The following NECAB1 variants were observed in gnomAD, a reference collection of about 807,000 sequenced individuals.
NECAB1 encodes the protein N-terminal EF-hand calcium binding protein 1, also known as N-terminal EF-hand calcium-binding protein 1.
NECAB1 carries 29 observed loss-of-function variants against 57.5 expected under a neutral mutation model. The ratio of observed to expected loss-of-function variants is 0.50; its 90% CI spans 0.38 to 0.69. The LOEUF (loss-of-function observed/expected upper bound fraction) is 0.69. NECAB1 is among the 30% of genes least tolerant of loss of function. The pLI is 0.00. For synonymous variants in NECAB1, 142 were observed against 147.7 expected, an observed-to-expected ratio of 0.96 and a Z score of 0.28; for missense variants, 372 against 413.8, an observed-to-expected ratio of 0.90 and a Z score of 0.88.
rs147636935 is a variant in NECAB1 at position 90,912,202 on chromosome 8, G to A, written c.358-5290G>A. Among the ~76,000 whole-genome samples the A allele has an allele frequency of 2.3e-3, 355 of 152,180 alleles. 2 individuals carry two copies. Among genetic ancestry groups the A allele is most frequent in the African/African-American group, 8.2e-3 (339 of 41,526 alleles). ...CATTTTTCTAAAATTCCTAATGTTT[G>A]AAGAGGATTACTTCCCAGCAGAATG... is the stretch of plus-strand genomic sequence containing the variant. On this transcript the variant is annotated intron_variant, in intron 5 of 12. Coordinates refer to ENST00000417640, the MANE Select transcript of NECAB1 (RefSeq NM_022351.5).
intron 3 of NECAB1, among the ~76,000 whole-genome samples, chr8:90,869,977 C>A (rs1808592099): frequency 2.0e-5 from 3 of 152,134 alleles, no homozygotes; most frequent in Admixed American, 2.0e-4. Context: ...GTGATTGGGT[C>A]ATGGGGGCTT....
intron 3 of NECAB1, among the ~76,000 whole-genome samples, chr8:90,846,572 G>A (rs1812562528): frequency 6.6e-6 from 1 of 152,122 alleles, no homozygotes. Flanking sequence ...GTCTTTTGTA[G>A]CAAAAGATTT....
chr8:90,907,147 T>A (rs201740505), intron 5 of NECAB1, among the ~76,000 whole-genome samples: 32,860 of 103,326 alleles, frequency 0.32, 4,545 homozygotes, highest in East Asian at 0.57. Context: ...TGTGTGTGTG[T>A]GTGTGAGAGA....
rs545020130 is a variant in NECAB1, at chr8:90,927,204, CT to C, written c.617-1005del. Among the ~76,000 whole-genome samples, 298 of 131,036 alleles carry C rather than the reference CT, an allele frequency of 2.3e-3. 1 individual carries two copies. The highest frequency in any genetic ancestry group is 3.4e-3 in the East Asian group (15 of 4,418). The allele number at this position is 131,036 out of a possible 152,430, so 86.0% of individuals were successfully genotyped here. A position where few individuals can be genotyped will look rare whatever the true frequency, so the allele number is the denominator to read the frequency against. On this transcript the variant is annotated intron_variant, in intron 7 of 12. Transcript: ENST00000417640. ...CAATCAGCCCCTTTCTTTTCTCTCTCTTTTTTTTTTTTTTGTAGCCACTTCT... is the reference window on the plus strand; with the variant it reads ...CAATCAGCCCCTTTCTTTTCTCTCTCTTTTTTTTTTTTTGTAGCCACTTCT...
At chr8:90,938,100 C>G (rs956435138) in intron 9 of NECAB1, among the ~76,000 whole-genome samples, 6 of 152,090 alleles carry the variant, frequency 3.9e-5, no homozygotes, top group Non-Finnish European at 8.8e-5. Context: ...TGTCCCAAGA[C>G]TAAAAAAGAT....
intron 3 of NECAB1, among the ~76,000 whole-genome samples, chr8:90,830,237 A>T (rs781507660): frequency 5.3e-5 from 8 of 152,090 alleles, no homozygotes; most frequent in African/African-American, 1.9e-4. Context: ...CCAATAGTGG[A>T]CAAGAGAGAT....
chr8:90,948,979 A>C (rs1586151584), intron 10 of NECAB1, among the ~76,000 whole-genome samples: 2 of 152,270 alleles, frequency 1.3e-5, no homozygotes, highest in East Asian at 1.9e-4. Context: ...CTCCTTCAAA[A>C]CATATTATGT....
intron 4 of NECAB1, among the ~76,000 whole-genome samples, chr8:90,874,625 A>G (rs773510514): frequency 1.3e-5 from 2 of 152,222 alleles, no homozygotes; most frequent in Non-Finnish European, 2.9e-5. Flanking sequence ...CTATATGATT[A>G]GTGCAGTTGC....
chr8:90,844,679 G>T (rs774791255), intron 3 of NECAB1, among the ~76,000 whole-genome samples: 1 of 152,054 alleles, frequency 6.6e-6, no homozygotes, highest in Non-Finnish European at 1.5e-5. Flanking sequence ...CACCTGCTCC[G>T]GATTCACCTG....
At chr8:90,826,844 A>T (rs1034951587) in intron 3 of NECAB1, among the ~76,000 whole-genome samples, 17 of 152,008 alleles carry the variant, frequency 1.1e-4, no homozygotes, top group South Asian at 6.2e-4. Flanking sequence ...ACTAAATGTT[A>T]AAGAAGTATA....
At chr8:90,945,180 G>A (rs1219508132) in intron 10 of NECAB1, among the ~76,000 whole-genome samples, 1 of 151,966 alleles carries the variant, frequency 6.6e-6, no homozygotes, top group Admixed American at 6.6e-5. Context: ...CAATTCTCCT[G>A]CCTCGGCCTC....
chr8:90,792,451 G>A (rs897599426), intron 1 of NECAB1, among the ~76,000 whole-genome samples: 6 of 152,086 alleles, frequency 3.9e-5, no homozygotes, highest in African/African-American at 1.4e-4. Context: ...AGACCCCCTC[G>A]GAAAACAATT....
chr8:90,801,700 A>G lies in NECAB1; in HGVS notation c.109A>G (p.Arg37Gly). ...GMSIFLDILRRADKNDDGKLS... is the reference protein window; with the variant it reads ...GMSIFLDILRGADKNDDGKLS... Reference sequence around the variant, plus strand: ...CCTTTTTCCTTTCCAGATACTGAGGAGAGCAGACAAAAATGGTAAGACCAA... The same window carrying G: ...CCTTTTTCCTTTCCAGATACTGAGGGGAGCAGACAAAAATGGTAAGACCAA... Residue 37 changes from arginine (R) to glycine (G), a missense_variant, in exon 2 of 13, where the codon AGA (arginine) becomes GGA (glycine). Transcript: ENST00000417640. 6.5e-7 allele frequency: 1 copy of G among 1,528,190 alleles called. No individual in the cohort carries two copies. Among genetic ancestry groups the G allele is most frequent in the Non-Finnish European group, 8.8e-7 (1 of 1,132,860 alleles). The allele number at this position is 1,528,190 out of a possible 1,614,324, so 94.7% of individuals were successfully genotyped here. A position where few individuals can be genotyped will look rare whatever the true frequency, so the allele number is the denominator to read the frequency against.
At chr8:90,879,087 TTA>T (rs1184683422) in intron 4 of NECAB1, among the ~76,000 whole-genome samples, 1 of 143,532 alleles carries the variant, frequency 7.0e-6, no homozygotes, top group African/African-American at 2.6e-5. Context: ...ATTATATATA[TTA>T]TATATATAAT....
intron 5 of NECAB1, among the ~76,000 whole-genome samples, chr8:90,909,388 A>G (rs897092815): frequency 6.6e-6 from 1 of 151,620 alleles, no homozygotes. Flanking sequence ...AAAAAAAAAA[A>G]TGTTGCCTGG....
At chr8:90,912,770 AT>A (rs1351058163) in intron 5 of NECAB1, among the ~76,000 whole-genome samples, 4 of 152,206 alleles carry the variant, frequency 2.6e-5, no homozygotes, top group Non-Finnish European at 5.9e-5. Context: ...GCCTGAGAAT[AT>A]TTAAAAGAAG....
chr8:90,796,839 A>T (rs1811669022), intron 1 of NECAB1, among the ~76,000 whole-genome samples: 1 of 152,230 alleles, frequency 6.6e-6, no homozygotes, highest in Non-Finnish European at 1.5e-5. Flanking sequence ...ATATTTAATT[A>T]TAAGAACTGT....
intron 2 of NECAB1, among the ~76,000 whole-genome samples, chr8:90,819,705 T>G (rs1812112941): frequency 6.6e-6 from 1 of 151,860 alleles, no homozygotes; most frequent in African/African-American, 2.4e-5. Flanking sequence ...TGGGCGTGTG[T>G]GCCTGGGCTG....
rs548833836 is a variant in NECAB1, at chr8:90,873,718, G to A, written c.259+1565G>A. 2.6e-5 allele frequency among the ~76,000 whole-genome samples: 4 copies of A among 152,248 alleles called. No individual in the cohort carries two copies. The East Asian group carries it at 7.7e-4, about 29-fold the overall frequency. ...AGGGCTTTTAAGATAAAAACACTAA[G>A]TGGTTCTTCTTTATTTGCTATGTTG... is the stretch of plus-strand genomic sequence containing the variant. On this transcript the variant is annotated intron_variant, in intron 4 of 12. Transcript: ENST00000417640.
Sources: allele counts gnomAD v4.1 joint callset (sites outside exome capture counted in the v4.1 genomes callset), GRCh38; gene constraint gnomAD v4.1.1; transcripts MANE v1.5; gene names NCBI Gene and HGNC (gene_info 2026-07-23, HGNC 2026-07-21).